EXOC6: variants seen among roughly 807,000 people sequenced by gnomAD.
EXOC6 encodes SEC15-like 1.
Under a neutral mutation model 112.5 loss-of-function variants are expected in EXOC6, and 60 were observed. The ratio of observed to expected loss-of-function variants is 0.53; its 90% confidence interval spans 0.43 to 0.66. The LOEUF is 0.66. Among genes scored for constraint, EXOC6 ranks in the 30% least tolerant of loss-of-function variants. The pLI is 0.00. For synonymous variants in EXOC6, 295 were observed against 308.0 expected (o/e 0.96, Z 0.44); for missense variants, 855 against 957.1 (o/e 0.89, Z 1.41).
rs1171047479 is a variant in EXOC6, at chr10:92,858,028, C to CCCCG, written c.101+9395_101+9396insCCGC. ...AGATTTTTAGTTGACGGGTTCCCCC[C>CCCCG]CTCCGCCGGCCAGCAGTTTGAATAT... On this transcript the variant is annotated intron_variant, in intron 1 of 21. Coordinates refer to ENST00000260762, the MANE Select transcript of EXOC6 (RefSeq NM_019053.6). 1.2e-4 allele frequency among the ~76,000 whole-genome samples: 16 copies of CCCCG among 139,082 alleles called. 3 individuals carry two copies. The East Asian group carries it at 2.9e-3, about 25-fold the overall frequency. 91.2% of individuals were successfully genotyped at this position (139,082 alleles called of 152,430 possible).
At chr10:92,840,127 A>G (rs114065914) in intron 1 of EXOC6, among the ~76,000 whole-genome samples, 2,205 of 150,074 alleles carry the variant, frequency 0.015, 53 homozygotes, top group African/African-American at 0.051. Flanking sequence ...GAAAACATTA[A>G]AAAAAAAAAC....
chr10:92,975,304 G>A (rs1159187881), intron 18 of EXOC6, among the ~76,000 whole-genome samples: 1 of 151,030 alleles, frequency 6.6e-6, no homozygotes, highest in Non-Finnish European at 1.5e-5. Context: ...CGCCCCGTCT[G>A]AGAAGTGAGG....
chr10:92,977,170 C>G (rs563658305), intron 18 of EXOC6, among the ~76,000 whole-genome samples: 2 of 152,160 alleles, frequency 1.3e-5, no homozygotes, highest in Admixed American at 1.3e-4. Context: ...TAAATAACTC[C>G]CACAAGCTTA....
At chr10:93,004,315 T>C (rs1422245394) in intron 19 of EXOC6, among the ~76,000 whole-genome samples, 1 of 150,934 alleles carries the variant, frequency 6.6e-6, no homozygotes, top group Admixed American at 6.7e-5. Flanking sequence ...TAATAAAAGG[T>C]CTACAGATGT....
intron 20 of EXOC6, among the ~76,000 whole-genome samples, chr10:93,053,286 G>A (rs1195894881): frequency 6.6e-6 from 1 of 152,148 alleles, no homozygotes; most frequent in East Asian, 1.9e-4. Context: ...TGTGGAAATG[G>A]GTTCAGTCCA....
intron 17 of EXOC6, among the ~76,000 whole-genome samples, chr10:92,969,256 G>C (rs1432428804): frequency 2.0e-5 from 3 of 152,114 alleles, no homozygotes; most frequent in African/African-American, 7.2e-5. Context: ...TAAAGTGCTT[G>C]GCTTTGAGGC....
At chr10:92,855,222 A>AT (rs201873015) in intron 1 of EXOC6, among the ~76,000 whole-genome samples, 3,342 of 151,888 alleles carry the variant, frequency 0.022, 55 homozygotes, top group African/African-American at 0.041. Flanking sequence ...CTGGCATGAA[A>AT]ATTTTTTTTT....
At chr10:92,886,275 G>A (rs1849211142) in intron 1 of EXOC6, among the ~76,000 whole-genome samples, 1 of 152,156 alleles carries the variant, frequency 6.6e-6, no homozygotes, top group South Asian at 2.1e-4. Flanking sequence ...CTTTTTCAGA[G>A]TCTCTTCAAC....
intron 1 of EXOC6, among the ~76,000 whole-genome samples, chr10:92,857,499 T>G (rs976973916): frequency 6.6e-6 from 1 of 152,286 alleles, no homozygotes; most frequent in Admixed American, 6.5e-5. Flanking sequence ...ATATTAAGTT[T>G]CTTATTTACT....
chr10:92,898,378 C>A (rs540431060), intron 4 of EXOC6, among the ~76,000 whole-genome samples: 12 of 150,328 alleles, frequency 8.0e-5, no homozygotes, highest in African/African-American at 2.7e-4. Context: ...TGCAGTAGGC[C>A]ATGATCGTGC....
chr10:92,829,678 G>C (rs999770630), intron 1 of EXOC6, among the ~76,000 whole-genome samples: 1 of 152,188 alleles, frequency 6.6e-6, no homozygotes, highest in Admixed American at 6.5e-5. Context: ...GTAAAATGAG[G>C]CTGATACCTA....
intron 1 of EXOC6, among the ~76,000 whole-genome samples, chr10:92,856,712 TA>T (rs1230665911): frequency 6.6e-6 from 1 of 152,196 alleles, no homozygotes; most frequent in Non-Finnish European, 1.5e-5. Context: ...CTAATTAGCT[TA>T]GAGTATTGTT....
chr10:92,843,824 C>A (rs1354415849), upstream of EXOC6, among the ~76,000 whole-genome samples: 5 of 151,692 alleles, frequency 3.3e-5, no homozygotes, highest in African/African-American at 1.2e-4. Context: ...CCTGTCTCTA[C>A]TAAAAATACA....
intron 1 of EXOC6, among the ~76,000 whole-genome samples, chr10:92,849,120 G>C (rs1022767347): frequency 5.9e-5 from 9 of 152,228 alleles, no homozygotes; most frequent in African/African-American, 2.2e-4. Flanking sequence ...CCGCGGGCGT[G>C]GGAGAATTGA....
intron 5 of EXOC6, among the ~76,000 whole-genome samples, chr10:92,908,057 C>CT (rs10632745): frequency 0.015 from 1,543 of 100,670 alleles, 59 homozygotes; most frequent in East Asian, 0.03. Context: ...AATATAATGT[C>CT]TTTTTTTTTT....
intron 5 of EXOC6, among the ~76,000 whole-genome samples, chr10:92,905,874 C>T (rs555263389): frequency 1.3e-4 from 20 of 152,158 alleles, no homozygotes; most frequent in Admixed American, 2.6e-4. Flanking sequence ...TGGTACTGTT[C>T]AGTTCAGCTA....
At chr10:92,842,284 G>A (rs374401942) in intron 1 of EXOC6, among the ~76,000 whole-genome samples, 2 of 150,032 alleles carry the variant, frequency 1.3e-5, no homozygotes, top group Admixed American at 1.3e-4. Context: ...GCTTGAACCC[G>A]CGAGGTGGAG....
intron 18 of EXOC6, among the ~76,000 whole-genome samples, chr10:92,975,545 C>T (rs1287487566): frequency 2.0e-5 from 3 of 147,706 alleles, no homozygotes; most frequent in East Asian, 4.1e-4. Context: ...GCCCCCCAGC[C>T]GCCCCGTCCG....
At chr10:92,975,819 CCGCCCCG>C (rs1842554767) in intron 18 of EXOC6, among the ~76,000 whole-genome samples, 1 of 136,750 alleles carries the variant, frequency 7.3e-6, no homozygotes, top group Non-Finnish European at 1.6e-5. Context: ...GCCCGGCCAG[CCGCCCCG>C]TCCGGGAGGT....
Sources: allele counts gnomAD v4.1 joint callset (sites outside exome capture counted in the v4.1 genomes callset), GRCh38; gene constraint gnomAD v4.1.1; transcripts MANE v1.5; gene names NCBI Gene and HGNC (gene_info 2026-07-23, HGNC 2026-07-21).